The following ZBTB7C variants were observed in gnomAD, a reference collection of about 807,000 sequenced individuals.
ZBTB7C encodes zinc finger and BTB domain containing 7C.
In ZBTB7C, 8 loss-of-function variants were observed where a neutral mutation model predicts 25.7. The ratio of observed to expected loss-of-function variants is 0.31; its 90% CI spans 0.18 to 0.56. The LOEUF is 0.56. Ranked by LOEUF, ZBTB7C falls within the 20% of genes least tolerant of loss-of-function variation. The probability of loss-of-function intolerance (pLI) is 0.91; values close to 1 mark genes in which losing one functional copy is unlikely to be tolerated. For synonymous variants in ZBTB7C, 394 were observed against 369.0 expected (o/e 1.07, Z -0.78); for missense variants, 824 against 855.2 (o/e 0.96, Z 0.46).
At chr18:48,124,994 G>A (rs771333831) in intron 3 of ZBTB7C, among the ~76,000 whole-genome samples, 5 of 152,182 alleles carry the variant, frequency 3.3e-5, no homozygotes, top group Non-Finnish European at 7.3e-5. Flanking sequence ...CAGGAGAAAC[G>A]CCACGGTCAC....
chr18:48,195,322 T>A (rs768125526), intron 2 of ZBTB7C, among the ~76,000 whole-genome samples: 4 of 152,168 alleles, frequency 2.6e-5, no homozygotes, highest in Admixed American at 6.5e-5. Flanking sequence ...TCCCCACGTG[T>A]TGTGGGAGGG....
chr18:48,059,391 G>A (rs1277727806), intron 3 of ZBTB7C, among the ~76,000 whole-genome samples: 2 of 152,104 alleles, frequency 1.3e-5, no homozygotes, highest in Non-Finnish European at 2.9e-5. Flanking sequence ...ACACACACAT[G>A]CTTCTGGTTT....
intron 2 of ZBTB7C, among the ~76,000 whole-genome samples, chr18:48,223,977 G>T (rs2043023825): frequency 6.6e-6 from 1 of 152,214 alleles, no homozygotes; most frequent in African/African-American, 2.4e-5. Flanking sequence ...TATAAAAGTT[G>T]TGATAGCTGG....
intron 3 of ZBTB7C, among the ~76,000 whole-genome samples, chr18:48,049,981 G>C (rs1385188406): frequency 6.6e-6 from 1 of 152,162 alleles, no homozygotes; most frequent in Non-Finnish European, 1.5e-5. Context: ...CCATGCCCAG[G>C]CCTGGAGCTT....
At chr18:48,048,856 T>A (rs1464523721) in intron 3 of ZBTB7C, among the ~76,000 whole-genome samples, 2 of 152,162 alleles carry the variant, frequency 1.3e-5, no homozygotes, top group East Asian at 1.9e-4. Flanking sequence ...TACCTCCTTG[T>A]CTCAGGTACT....
chr18:48,138,171 C>G (rs2040231972), intron 3 of ZBTB7C, among the ~76,000 whole-genome samples: 1 of 152,264 alleles, frequency 6.6e-6, no homozygotes. Context: ...TGCCACTCTT[C>G]TCCGGCAGGC....
At chr18:48,118,737 C>T (rs944420398) in intron 3 of ZBTB7C, among the ~76,000 whole-genome samples, 4 of 152,168 alleles carry the variant, frequency 2.6e-5, no homozygotes, top group African/African-American at 4.8e-5. Flanking sequence ...TTAGGAAATG[C>T]TCAGATAAAG....
intron 3 of ZBTB7C, among the ~76,000 whole-genome samples, chr18:48,104,883 C>A (rs1350328506): frequency 6.6e-6 from 1 of 152,140 alleles, no homozygotes; most frequent in African/African-American, 2.4e-5. Context: ...GGCAGGCAAG[C>A]CCTGAAGCGC....
chr18:48,042,105 T>C (rs2036273132), intron 3 of ZBTB7C, among the ~76,000 whole-genome samples: 1 of 152,084 alleles, frequency 6.6e-6, no homozygotes, highest in South Asian at 2.1e-4. Flanking sequence ...TGGGACAAAA[T>C]GTGGCATCTG....
chr18:48,283,677 G>A (rs2044941864), intron 2 of ZBTB7C, among the ~76,000 whole-genome samples: 1 of 152,290 alleles, frequency 6.6e-6, no homozygotes, highest in African/African-American at 2.4e-5. Context: ...TTCTACCAGT[G>A]AAACTTTTTC....
At chr18:48,309,838 A>G (rs989268994) in intron 2 of ZBTB7C, among the ~76,000 whole-genome samples, 4 of 152,220 alleles carry the variant, frequency 2.6e-5, no homozygotes, top group African/African-American at 9.6e-5. Context: ...TTCAAGCTTC[A>G]GTAGTTTCTC....
chr18:48,033,350 A>G (rs993235242), intron 4 of ZBTB7C, among the ~76,000 whole-genome samples: 2 of 152,210 alleles, frequency 1.3e-5, no homozygotes, highest in Non-Finnish European at 2.9e-5. Flanking sequence ...GGGATGAGAA[A>G]GGATGGATTT....
In ZBTB7C at chr18:48,137,220, G is replaced by A. The variant is rs911341375; in HGVS notation, c.-17+48714C>T. On this transcript the variant is annotated intron_variant, in intron 3 of 4. Coordinates refer to ENST00000590800, the MANE Select transcript of ZBTB7C (RefSeq NM_001318841.2). The stretch of plus-strand genomic sequence containing the variant: ...ACCCTCCAACCAGAAGTATTTGGCC[G>A]GGAGCCCCTTTGGTCCACCTGTACT... The A allele has an allele frequency of 1.7e-5, 17 of 985,450 alleles. 1 individual carries two copies. In the Admixed American group the frequency reaches 9.2e-4, roughly 53 times the overall value. 61.0% of individuals were successfully genotyped at this position (985,450 alleles called of 1,614,324 possible).
At chr18:48,381,738 C>A (rs2047637993) in intron 1 of ZBTB7C, among the ~76,000 whole-genome samples, 1 of 152,228 alleles carries the variant, frequency 6.6e-6, no homozygotes, top group South Asian at 2.1e-4. Flanking sequence ...CATTGAAGGA[C>A]AGCTAGGAGT....
intron 3 of ZBTB7C, among the ~76,000 whole-genome samples, chr18:48,071,597 T>A (rs1376957295): frequency 6.6e-6 from 1 of 152,154 alleles, no homozygotes; most frequent in Non-Finnish European, 1.5e-5. Flanking sequence ...CCTCAAAAAA[T>A]TAGACATGGA....
chr18:48,055,594 G>C (rs1335950583), intron 3 of ZBTB7C, among the ~76,000 whole-genome samples: 1 of 152,012 alleles, frequency 6.6e-6, no homozygotes, highest in Non-Finnish European at 1.5e-5. Context: ...TGGGAATCCA[G>C]CCCTCCCTTT....
chr18:48,100,721 G>A (rs1427381831), intron 3 of ZBTB7C, among the ~76,000 whole-genome samples: 1 of 152,124 alleles, frequency 6.6e-6, no homozygotes, highest in Non-Finnish European at 1.5e-5. Flanking sequence ...TAAGGGGGCC[G>A]CATTTCTTGT....
chr18:48,353,554 T>C (rs553122810), intron 1 of ZBTB7C, among the ~76,000 whole-genome samples: 7 of 152,262 alleles, frequency 4.6e-5, no homozygotes, highest in African/African-American at 1.7e-4. Flanking sequence ...TTATCCATTG[T>C]GGGGCTAAGG....
At chr18:48,030,876 A>C (rs1295350033) in intron 4 of ZBTB7C, among the ~76,000 whole-genome samples, 3 of 152,224 alleles carry the variant, frequency 2.0e-5, no homozygotes, top group Non-Finnish European at 2.9e-5. Flanking sequence ...TTTCATAAAC[A>C]CTGAGCATTG....
Sources: allele counts gnomAD v4.1 joint callset (sites outside exome capture counted in the v4.1 genomes callset), GRCh38; gene constraint gnomAD v4.1.1; transcripts MANE v1.5; gene names NCBI Gene and HGNC (gene_info 2026-07-23, HGNC 2026-07-21).